MACROD2: variants seen among roughly 807,000 people sequenced by gnomAD.
The protein encoded by MACROD2 is ADP-ribose glycohydrolase MACROD2.
A neutral mutation model predicts 70.4 loss-of-function variants in MACROD2; 36 were observed. The ratio of observed to expected loss-of-function variants is 0.51; its 90% CI spans 0.39 to 0.68. The LOEUF is 0.68. Among genes scored for constraint, MACROD2 ranks in the 30% least tolerant of loss-of-function variants. The pLI is 0.00. For missense variants in MACROD2, 496 were observed against 538.4 expected (o/e 0.92, Z 0.78); for synonymous variants, 172 against 178.8 (o/e 0.96, Z 0.30).
At chr20:15,729,815 A>C (rs938185852) in intron 8 of MACROD2, among the ~76,000 whole-genome samples, 2 of 125,522 alleles carry the variant, frequency 1.6e-5, no homozygotes, top group Non-Finnish European at 3.3e-5. Context: ...TGAACACAGC[A>C]TGCAGTTGGG....
chr20:14,477,267 A>G (rs907297908), intron 3 of MACROD2, among the ~76,000 whole-genome samples: 3 of 152,186 alleles, frequency 2.0e-5, no homozygotes, highest in African/African-American at 7.2e-5. Flanking sequence ...GTTGGGATGA[A>G]TTAGAGTGGC....
At chr20:14,686,742 G>T in intron 5 of MACROD2, among the ~76,000 whole-genome samples, 1 of 152,074 alleles carries the variant, frequency 6.6e-6, no homozygotes, top group African/African-American at 2.4e-5. Context: ...AATCACCTAA[G>T]GAGTCACTTC....
intron 8 of MACROD2, among the ~76,000 whole-genome samples, chr20:15,602,993 A>T (rs1379292061): frequency 6.6e-6 from 1 of 151,908 alleles, no homozygotes; most frequent in Non-Finnish European, 1.5e-5. Flanking sequence ...TAAAAATTAC[A>T]TTGGTGTAAG....
chr20:14,722,347 T>G (rs1323750682), intron 5 of MACROD2, among the ~76,000 whole-genome samples: 1 of 152,100 alleles, frequency 6.6e-6, no homozygotes, highest in African/African-American at 2.4e-5. Flanking sequence ...GGGGATGAGG[T>G]AAAGAATTGA....
At chr20:15,547,040 T>G (rs2048034795) in intron 8 of MACROD2, among the ~76,000 whole-genome samples, 1 of 152,200 alleles carries the variant, frequency 6.6e-6, no homozygotes, top group East Asian at 1.9e-4. Context: ...AGCTTGCTGT[T>G]GAATCGGAAC....
Position 14,517,138 on chromosome 20 carries a change from T to C in MACROD2, c.301+23630T>C, listed in dbSNP as rs188065122. ...TGTAGAAGACAGTATGGCAATCCCT[T>C]AAGGATCTAGAACCAGAAATACCAT... On this transcript the variant is annotated intron_variant, in intron 4 of 17. Transcript: ENST00000684519. Among the ~76,000 whole-genome samples the C allele has an allele frequency of 2.6e-4, 40 of 152,234 alleles. No homozygotes were observed. The East Asian group carries it at 6.8e-3, about 26-fold the overall frequency.
intron 5 of MACROD2, among the ~76,000 whole-genome samples, chr20:15,048,203 G>C (rs1020351678): frequency 6.6e-5 from 10 of 152,126 alleles, no homozygotes; most frequent in Admixed American, 6.6e-4. Context: ...TTGAACCCAG[G>C]AGGCAGACGT....
Position 15,276,515 on chromosome 20 carries a change from A to G in MACROD2, c.540+46454A>G, listed in dbSNP as rs2077394611. On this transcript the variant is annotated intron_variant, in intron 6 of 17. Coordinates refer to ENST00000684519, the MANE Select transcript of MACROD2 (RefSeq NM_001351661.2). ...TATGTTTCCAAATGACCAAGATTGA[A>G]AAACAGGAAAGATGAGTAAGTCTTA... is the stretch of plus-strand genomic sequence containing the variant. 2.6e-5 allele frequency among the ~76,000 whole-genome samples: 4 copies of G among 152,324 alleles called. No individual in the cohort carries two copies. In the South Asian group the frequency reaches 8.3e-4, roughly 32 times the overall value.
chr20:14,695,506 C>G (rs2071113590), intron 5 of MACROD2, among the ~76,000 whole-genome samples: 1 of 152,206 alleles, frequency 6.6e-6, no homozygotes, highest in Non-Finnish European at 1.5e-5. Flanking sequence ...GCATAACTAT[C>G]TGGAGTCACC....
chr20:15,416,364 A>G (rs549604965), intron 6 of MACROD2, among the ~76,000 whole-genome samples: 2 of 152,316 alleles, frequency 1.3e-5, no homozygotes, highest in South Asian at 4.1e-4. Flanking sequence ...TTCCCTAATT[A>G]ATTCCCTTGT....
intron 5 of MACROD2, among the ~76,000 whole-genome samples, chr20:14,857,150 C>T (rs966687006): frequency 7.9e-5 from 12 of 152,150 alleles, no homozygotes; most frequent in Non-Finnish European, 1.3e-4. Context: ...AAACCGTTAT[C>T]CCTATTCTCT....
intron 2 of MACROD2, chr20:14,051,932 T>A: frequency 1.9e-6 from 1 of 517,906 alleles, no homozygotes; most frequent in South Asian, 1.4e-5. Flanking sequence ...GATGCATCTC[T>A]CATGGTTGAA....
At chr20:15,252,866 G>A (rs2077167739) in intron 6 of MACROD2, among the ~76,000 whole-genome samples, 1 of 152,122 alleles carries the variant, frequency 6.6e-6, no homozygotes, top group African/African-American at 2.4e-5. Flanking sequence ...CACCTACAGA[G>A]CCAGCTGCTC....
chr20:15,460,866 A>C (rs1045443385), intron 7 of MACROD2, among the ~76,000 whole-genome samples: 2 of 151,228 alleles, frequency 1.3e-5, no homozygotes, highest in African/African-American at 2.4e-5. Flanking sequence ...AGCTCTGCAC[A>C]CCCTAGAGAA....
At chr20:15,644,243 T>A (rs1012974104) in intron 8 of MACROD2, among the ~76,000 whole-genome samples, 2 of 152,162 alleles carry the variant, frequency 1.3e-5, no homozygotes, top group Admixed American at 6.5e-5. Flanking sequence ...AACCCTAACA[T>A]CGTTACATCC....
intron 6 of MACROD2, among the ~76,000 whole-genome samples, chr20:15,276,808 C>T (rs1428423434): frequency 6.6e-6 from 1 of 152,124 alleles, no homozygotes; most frequent in Non-Finnish European, 1.5e-5. Context: ...AAAACTTTGC[C>T]AGAAGAGACA....
intron 3 of MACROD2, among the ~76,000 whole-genome samples, chr20:14,386,211 T>C (rs958699517): frequency 2.0e-5 from 3 of 152,342 alleles, no homozygotes; most frequent in African/African-American, 7.2e-5. Context: ...GGTTTAATGA[T>C]GGAAACTCTC....
chr20:14,160,649 G>GT lies in MACROD2; in HGVS notation c.271+74924dup, dbSNP rs143525337. Among the ~76,000 whole-genome samples the GT allele has an allele frequency of 7.4e-3, 1,130 of 151,750 alleles. 15 individuals carry two copies. The highest frequency in any genetic ancestry group is 0.026 in the African/African-American group (1,059 of 41,418). On this transcript the variant is annotated intron_variant, in intron 3 of 17. Transcript: ENST00000684519. ...GTATAGCAAGTAGCTTATCAATTTTGTTTATCTTTCCAAAAACAACTAAAT... is the reference window on the plus strand; with the variant it reads ...GTATAGCAAGTAGCTTATCAATTTTGTTTTATCTTTCCAAAAACAACTAAAT...
At chr20:15,770,757 G>C (rs916399174) in intron 8 of MACROD2, among the ~76,000 whole-genome samples, 9 of 152,060 alleles carry the variant, frequency 5.9e-5, no homozygotes, top group Non-Finnish European at 1.0e-4. Flanking sequence ...GATCCTGAAA[G>C]AAGGGCTCAA....
Sources: allele counts gnomAD v4.1 joint callset (sites outside exome capture counted in the v4.1 genomes callset), GRCh38; gene constraint gnomAD v4.1.1; transcripts MANE v1.5; gene names NCBI Gene and HGNC (gene_info 2026-07-23, HGNC 2026-07-21).